Variants in FAM53A observed in about 807,000 individuals in gnomAD.
The protein encoded by FAM53A is family with sequence similarity 53 member A.
FAM53A carries 28 observed loss-of-function variants against 26.6 expected under a neutral mutation model. That is an observed-to-expected ratio of 1.05 (90% CI 0.78 to 1.45). The LOEUF is 1.45. Among genes scored for constraint, FAM53A ranks in the 40% most tolerant of loss-of-function variants. The pLI, the probability that FAM53A is intolerant of heterozygous loss-of-function variation, is 0.00. For synonymous variants in FAM53A, 290 were observed against 253.1 expected, an observed-to-expected ratio of 1.15 and a Z score of -1.38; for missense variants, 650 against 575.8, an observed-to-expected ratio of 1.13 and a Z score of -1.32.
chr4:1,647,733 A>G (rs550556782), intron 4 of FAM53A, among the ~76,000 whole-genome samples: 1 of 152,062 alleles, frequency 6.6e-6, no homozygotes, highest in African/African-American at 2.4e-5. Flanking sequence ...GAGTGTGCAC[A>G]TGAGTGGGAG....
At chr4:1,638,202 C>G (rs1222435333), downstream of FAM53A, among the ~76,000 whole-genome samples, 1 of 151,998 alleles carries the variant, frequency 6.6e-6, no homozygotes, top group African/African-American at 2.4e-5. Flanking sequence ...AGGGTCCTGG[C>G]CCCCCATTCC....
intron 4 of FAM53A, among the ~76,000 whole-genome samples, chr4:1,642,045 G>A (rs1191191920): frequency 2.0e-5 from 3 of 152,164 alleles, no homozygotes; most frequent in Middle Eastern, 3.4e-3. Context: ...ACCCAGGGCC[G>A]CTCTCAGCAA....
downstream of FAM53A, among the ~76,000 whole-genome samples, chr4:1,637,664 C>T (rs553593211): frequency 2.0e-5 from 3 of 150,916 alleles, no homozygotes; most frequent in East Asian, 5.8e-4. Context: ...CAGGGGTGGG[C>T]CACTGCAGCA....
At chr4:1,651,976 A>G (rs1409885542) in intron 4 of FAM53A, among the ~76,000 whole-genome samples, 1 of 150,036 alleles carries the variant, frequency 6.7e-6, no homozygotes, top group East Asian at 2.0e-4. Flanking sequence ...ATGCACGCAC[A>G]CACCACACGC....
At chr4:1,606,829 C>A in the FAM53A span, among the ~76,000 whole-genome samples, 4 of 152,226 alleles carry the variant, frequency 2.6e-5, no homozygotes, top group Non-Finnish European at 5.9e-5. Context: ...GCTGTCCCAG[C>A]CCCTGCTTTC....
At position 1,655,161 on chromosome 4, in the gene FAM53A, G is replaced by T. The variant is rs182903545; in HGVS notation, c.699C>A (p.Gly233=). 7,967 of 1,575,384 alleles carry T rather than the reference G, an allele frequency of 5.1e-3. 30 individuals carry two copies. The highest frequency in any genetic ancestry group is 6.4e-3 in the Non-Finnish European group (7,497 of 1,165,670). The change falls in exon 4 of 5, where the codon GGC becomes GGA. Residue 233 remains glycine (G), a synonymous_variant. Coordinates refer to ENST00000308132, the MANE Select transcript of FAM53A (RefSeq NM_001174070.3). ...SLSQERLAGA[G]TPLPWASSSP... ...TGCTGCTGGCCCAGGGCAGGGGAGT[G>T]CCCGCACCCGCGAGTCGCTCCTGTG...
At chr4:1,632,882 A>G (rs905989585) in intron 1 of FAM53A, among the ~76,000 whole-genome samples, 3 of 152,202 alleles carry the variant, frequency 2.0e-5, no homozygotes, top group Non-Finnish European at 4.4e-5. Flanking sequence ...ACACTTACAC[A>G]CAGACTCCCA....
In FAM53A at chr4:1,668,892, T is replaced by C; in HGVS notation, c.-151A>G. On this transcript the variant is annotated 5_prime_UTR_variant, in exon 2 of 5. Coordinates refer to ENST00000308132, the MANE Select transcript of FAM53A (RefSeq NM_001174070.3). ...ATGAGCAGTCCACGCCCACGGGCTC[T>C]TCAGGATTTGTGCCTGTTTCTCAGA... The C allele has an allele frequency of 1.6e-6, 1 of 617,232 alleles. No individual in the cohort carries two copies. Among genetic ancestry groups the C allele is most frequent in the Non-Finnish European group, 2.8e-6 (1 of 354,098 alleles). 38.2% of individuals were successfully genotyped at this position (617,232 alleles called of 1,614,324 possible). A position where few individuals can be genotyped will look rare whatever the true frequency, so the allele number is the denominator to read the frequency against.
intron 2 of FAM53A, among the ~76,000 whole-genome samples, chr4:1,662,970 G>A (rs1231294388): frequency 3.9e-5 from 6 of 152,262 alleles, no homozygotes; most frequent in East Asian, 1.9e-4. Context: ...CGAGGCAGGC[G>A]GATCACGAGG....
chr4:1,597,793 C>T, the FAM53A span, among the ~76,000 whole-genome samples: 6 of 152,322 alleles, frequency 3.9e-5, no homozygotes, highest in African/African-American at 1.2e-4. Flanking sequence ...GTCAGGAGTT[C>T]GAGACCTGCC....
intron 2 of FAM53A, among the ~76,000 whole-genome samples, chr4:1,660,749 C>T (rs867912317): frequency 3.3e-5 from 5 of 151,694 alleles, no homozygotes; most frequent in Admixed American, 1.3e-4. Context: ...ATTAGCCAGG[C>T]GTGGTGGCGA....
chr4:1,604,228 C>G, the FAM53A span, among the ~76,000 whole-genome samples: 4 of 152,182 alleles, frequency 2.6e-5, no homozygotes, highest in African/African-American at 9.6e-5. Context: ...GAAGAAGGCT[C>G]GAGGCTGCCG....
chr4:1,594,240 A>G, the FAM53A span, among the ~76,000 whole-genome samples: 2,778 of 152,292 alleles, frequency 0.018, 86 homozygotes, highest in African/African-American at 0.063. Flanking sequence ...ACGGACAGAT[A>G]AACCGATTCA....
intron 1 of FAM53A, among the ~76,000 whole-genome samples, chr4:1,619,001 G>A (rs1003065661): frequency 3.3e-5 from 5 of 152,204 alleles, no homozygotes; most frequent in South Asian, 2.1e-4. Flanking sequence ...CCAACAAGAC[G>A]GGGAAGGGGA....
the FAM53A span, among the ~76,000 whole-genome samples, chr4:1,579,988 TTTAA>T: frequency 1.3e-5 from 2 of 152,372 alleles, no homozygotes; most frequent in Non-Finnish European, 1.5e-5. Flanking sequence ...GTGTTTGTAA[TTTAA>T]TTAAAGATGC....
At chr4:1,673,734 A>C (rs1714841761) in intron 1 of FAM53A, among the ~76,000 whole-genome samples, 1 of 152,112 alleles carries the variant, frequency 6.6e-6, no homozygotes, top group Non-Finnish European at 1.5e-5. Context: ...CTCCGTTTCA[A>C]AAAAAAATCA....
chr4:1,577,068 G>C, the FAM53A span, among the ~76,000 whole-genome samples: 1 of 135,768 alleles, frequency 7.4e-6, no homozygotes, highest in Non-Finnish European at 1.5e-5. Flanking sequence ...GCAACTGAGC[G>C]GGTACGGTGG....
intron 2 of FAM53A, among the ~76,000 whole-genome samples, chr4:1,660,484 G>A (rs540165955): frequency 6.6e-6 from 1 of 151,984 alleles, no homozygotes; most frequent in Non-Finnish European, 1.5e-5. Flanking sequence ...AGCTACTCAA[G>A]AGGCTGAGGT....
chr4:1,677,100 T>G (rs1408279698), intron 1 of FAM53A, among the ~76,000 whole-genome samples: 1 of 152,166 alleles, frequency 6.6e-6, no homozygotes, highest in East Asian at 1.9e-4. Flanking sequence ...CCCCCTCATC[T>G]TGCAGCTTCC....
Sources: allele counts gnomAD v4.1 joint callset (sites outside exome capture counted in the v4.1 genomes callset), GRCh38; gene constraint gnomAD v4.1.1; transcripts MANE v1.5; gene names NCBI Gene and HGNC (gene_info 2026-07-23, HGNC 2026-07-21).